Variants in OR2Z1 observed in about 807,000 individuals in gnomAD.
OR2Z1 encodes the protein olfactory receptor family 2 subfamily Z member 1.
For missense variants in OR2Z1, 449 were observed against 401.8 expected, an observed-to-expected ratio of 1.12 and a Z score of -1.00; for synonymous variants, 188 against 160.6, an observed-to-expected ratio of 1.17 and a Z score of -1.29.
At chr19:8,722,308 C>A (rs1170577891) in intron 1 of OR2Z1, among the ~76,000 whole-genome samples, 3 of 151,690 alleles carry the variant, frequency 2.0e-5, no homozygotes, top group African/African-American at 7.3e-5. Context: ...ATATAAGTGA[C>A]AGTTTGTCCT....
In OR2Z1 at chr19:8,731,991, G is replaced by GAA; in HGVS notation, c.*18_*19insAA. On this transcript the variant is annotated 3_prime_UTR_variant, in exon 3 of 3. Transcript: ENST00000641125. ...TGTGCTGACTACATAGAAACTGCTG[G>GAA]TGAGATTCCAGCGGTCCTCGATCCC... 1 of 1,584,996 alleles carries GAA rather than the reference G, an allele frequency of 6.3e-7. No individual in the cohort carries two copies. Among genetic ancestry groups the GAA allele is most frequent in the Non-Finnish European group, 8.6e-7 (1 of 1,158,316 alleles).
chr19:8,725,523 G>T lies in OR2Z1; in HGVS notation c.-170+2373G>T. ...CTCCCAAAGCATTGGGATTACAGGCGTGAGCCACTACGCCCAGCCAAACTC... is the reference window on the plus strand; with the variant it reads ...CTCCCAAAGCATTGGGATTACAGGCTTGAGCCACTACGCCCAGCCAAACTC... On this transcript the variant is annotated intron_variant, in intron 2 of 2. Coordinates refer to ENST00000641125, the MANE Select transcript of OR2Z1 (RefSeq NM_001004699.3). 2.6e-5 allele frequency among the ~76,000 whole-genome samples: 4 copies of T among 152,274 alleles called. No homozygotes were observed. The Middle Eastern group carries it at 0.014, about 518-fold the overall frequency.
chr19:8,723,239 C>G (rs2043314010), intron 2 of OR2Z1, 89 bp downstream of exon 2: 1 of 152,078 alleles, frequency 6.6e-6, no homozygotes, highest in African/African-American at 2.4e-5. Context: ...CTGTTATCCA[C>G]CAGTCCATAC....
At chr19:8,723,787 C>G (rs781914414) in intron 2 of OR2Z1, among the ~76,000 whole-genome samples, 3 of 152,108 alleles carry the variant, frequency 2.0e-5, no homozygotes, top group African/African-American at 4.8e-5. Context: ...GGTGCAGAAG[C>G]CTTCCCCACC....
intron 2 of OR2Z1, among the ~76,000 whole-genome samples, chr19:8,729,752 A>G (rs953509279): frequency 6.6e-6 from 1 of 152,038 alleles, no homozygotes; most frequent in Non-Finnish European, 1.5e-5. Context: ...CACCACGCTC[A>G]GCTAATTTTG....
rs2043355425 is a variant in OR2Z1 at position 8,731,499 on chromosome 19, C to G, written c.471C>G (p.Ser157=). The change falls in exon 3 of 3, where the codon TCC becomes TCG. Residue 157 remains serine, a synonymous_variant. Transcript: ENST00000641125. Reference sequence around the variant, plus strand: ...GGGTGGTAGGTGTGCTCAACGCCTCCATCCAGACCTCCATCACCCTGCATT... The same window carrying G: ...GGGTGGTAGGTGTGCTCAACGCCTCGATCCAGACCTCCATCACCCTGCATT... ...SSWVVGVLNA[S]IQTSITLHFP... is the part of the protein sequence containing the mutation. 1 of 1,613,982 alleles carries G rather than the reference C, an allele frequency of 6.2e-7. No homozygotes were observed. Among genetic ancestry groups the G allele is most frequent in the Admixed American group, 1.7e-5 (1 of 59,972 alleles).
chr19:8,728,959 T>A (rs1216612207), intron 2 of OR2Z1: 5 of 682,680 alleles, frequency 7.3e-6, no homozygotes, highest in Non-Finnish European at 1.3e-5. Flanking sequence ...GTGGACTCAG[T>A]GGTCAGCGGC....
At chr19:8,724,856 G>A (rs1172802669) in intron 2 of OR2Z1, among the ~76,000 whole-genome samples, 1 of 152,142 alleles carries the variant, frequency 6.6e-6, no homozygotes, top group Non-Finnish European at 1.5e-5. Flanking sequence ...GGAGGAGTGG[G>A]TGTGAAAACT....
rs782674264 is a variant in OR2Z1, at chr19:8,731,888, C to A, written c.860C>A (p.Pro287His). Residue 287 changes from proline (P) to histidine (H), a missense_variant, in exon 3 of 3, where the codon CCC becomes CAC. By Grantham distance (77) the Pro-to-His change is moderately conservative (BLOSUM62 -2). Transcript: ENST00000641125. ...AGCCTTGTCACCCCTACACTCAACCCCCTTATCTACAGTCTGAGGAATCCG... is the reference window on the plus strand; with the variant it reads ...AGCCTTGTCACCCCTACACTCAACCACCTTATCTACAGTCTGAGGAATCCG... ...FYSLVTPTLN[P>H]LIYSLRNPEV... The A allele has an allele frequency of 6.2e-7, 1 of 1,614,190 alleles. No individual in the cohort carries two copies. Among genetic ancestry groups the A allele is most frequent in the Non-Finnish European group, 8.5e-7 (1 of 1,180,020 alleles).
chr19:8,729,519 T>C (rs1261783964), intron 2 of OR2Z1, among the ~76,000 whole-genome samples: 1 of 151,424 alleles, frequency 6.6e-6, no homozygotes, highest in Admixed American at 6.6e-5. Context: ...CAAGTGATCC[T>C]CCTGCCGTAG....
chr19:8,728,024 A>G (rs2043334806), intron 2 of OR2Z1, among the ~76,000 whole-genome samples: 1 of 152,262 alleles, frequency 6.6e-6, no homozygotes, highest in African/African-American at 2.4e-5. Context: ...ATATAGCCCA[A>G]AGTGGATAAA....
chr19:8,730,400 A>T (rs971374392), intron 2 of OR2Z1, among the ~76,000 whole-genome samples: 9 of 151,238 alleles, frequency 6.0e-5, no homozygotes, highest in African/African-American at 1.9e-4. Context: ...TCCACCATCT[A>T]TGTGGCTGTC....
intron 2 of OR2Z1, among the ~76,000 whole-genome samples, chr19:8,727,933 C>T (rs2043334486): frequency 6.6e-6 from 1 of 152,180 alleles, no homozygotes; most frequent in Non-Finnish European, 1.5e-5. Flanking sequence ...GATGAGGATG[C>T]TATCTTCCAC....
rs562837260 is a variant in OR2Z1, at chr19:8,725,391, C to T, written c.-170+2241C>T. Among the ~76,000 whole-genome samples the T allele has an allele frequency of 9.9e-5, 15 of 151,992 alleles. 1 individual carries two copies. Among genetic ancestry groups the T allele is most frequent in the African/African-American group, 3.6e-4 (15 of 41,462 alleles). ...CTGAGTAGCTGGGATTACAGGTGCCCGCCACCACACCTGGCTAATTTTTGT... is the reference window on the plus strand; with the variant it reads ...CTGAGTAGCTGGGATTACAGGTGCCTGCCACCACACCTGGCTAATTTTTGT... On this transcript the variant is annotated intron_variant, in intron 2 of 2. Coordinates refer to ENST00000641125, the MANE Select transcript of OR2Z1 (RefSeq NM_001004699.3).
Position 8,731,322 on chromosome 19 carries a change from A to G in OR2Z1, c.294A>G (p.Ala98=). The change falls in exon 3 of 3, where the codon GCA becomes GCG. Residue 98 remains alanine, a synonymous_variant. Transcript: ENST00000641125. ...GTGCCACCTCCTATGGAGGTGGTGCAGCTCAAATATTCTTCCTCACACTGA... is the reference window on the plus strand; with the variant it reads ...GTGCCACCTCCTATGGAGGTGGTGCGGCTCAAATATTCTTCCTCACACTGA... The part of the protein sequence containing the change: ...GEGATSYGGG[A]AQIFFLTLMG... The G allele has an allele frequency of 6.2e-7, 1 of 1,614,130 alleles. No individual in the cohort carries two copies. The highest frequency in any genetic ancestry group is 8.5e-7 in the Non-Finnish European group (1 of 1,180,018).
chr19:8,722,448 T>G (rs1252870795), intron 1 of OR2Z1, among the ~76,000 whole-genome samples: 1 of 152,116 alleles, frequency 6.6e-6, no homozygotes, highest in African/African-American at 2.4e-5. Context: ...TTCTGGTCAC[T>G]CAGTGTCAGC....
intron 2 of OR2Z1, among the ~76,000 whole-genome samples, chr19:8,723,845 G>A (rs2043316267): frequency 1.3e-5 from 2 of 152,220 alleles, no homozygotes; most frequent in African/African-American, 4.8e-5. Context: ...GCCAGTCCTA[G>A]AACAGTTCTA....
Position 8,731,752 on chromosome 19 carries a change from T to C in OR2Z1, c.724T>C (p.Ser242Pro), listed in dbSNP as rs1051580404. 15 of 1,614,238 alleles carry C rather than the reference T, an allele frequency of 9.3e-6. No homozygotes were observed. Among genetic ancestry groups the C allele is most frequent in the Non-Finnish European group, 1.3e-5 (15 of 1,180,046 alleles). The change falls in exon 3 of 3, where the codon TCC (serine) becomes CCC (proline). Residue 242 changes from serine (S) to proline (P), a missense_variant. Transcript: ENST00000641125. The part of the protein sequence containing the change: ...EARHKAVTTC[S>P]SHITVVGLFY... ...CAGACACAAGGCTGTCACCACCTGC[T>C]CCTCGCACATCACGGTAGTGGGGCT...
chr19:8,730,064 T>A (rs937104889), intron 2 of OR2Z1, among the ~76,000 whole-genome samples: 2 of 152,136 alleles, frequency 1.3e-5, no homozygotes, highest in Non-Finnish European at 2.9e-5. Context: ...ATACTACATT[T>A]AAAAAAATCC....
Sources: gnomAD v4.1 joint callset for allele counts (sites outside exome capture counted in the v4.1 genomes callset) on GRCh38, gnomAD v4.1.1 for gene constraint, MANE v1.5 for transcripts, NCBI Gene and HGNC (gene_info 2026-07-23, HGNC 2026-07-21) for gene names.